HTRA1: variants seen among roughly 807,000 people sequenced by gnomAD.
HTRA1 encodes the protein HtrA serine peptidase 1.
In HTRA1, 26 loss-of-function variants were observed where a neutral mutation model predicts 49.7. The ratio of observed to expected loss-of-function variants is 0.52; its 90% confidence interval spans 0.38 to 0.73. The LOEUF (loss-of-function observed/expected upper bound fraction) is 0.73, where lower values mean the gene tolerates loss of function less well. Among genes scored for constraint, HTRA1 ranks in the 30% least tolerant of loss-of-function variants. The probability of loss-of-function intolerance (pLI) is 0.00; values close to 1 mark genes in which losing one functional copy is unlikely to be tolerated. For missense variants in HTRA1, 561 were observed against 667.2 expected (o/e 0.84, Z 1.75); for synonymous variants, 291 against 286.9 (o/e 1.01, Z -0.14).
At chr10:122,463,025 C>T (rs139968971) in intron 1 of HTRA1, among the ~76,000 whole-genome samples, 445 of 152,354 alleles carry the variant, frequency 2.9e-3, no homozygotes, top group Non-Finnish European at 4.5e-3. Context: ...AAAATAATAT[C>T]GAGTTCAGCA....
intron 3 of HTRA1, among the ~76,000 whole-genome samples, chr10:122,495,344 C>T (rs1039082940): frequency 7.2e-5 from 11 of 152,104 alleles, no homozygotes; most frequent in African/African-American, 2.7e-4. Context: ...ATGCCACAGA[C>T]GGTGTTGACG....
Position 122,490,004 on chromosome 10 carries a change from G to T in HTRA1, c.777+378G>T, listed in dbSNP as rs1330650113. 6.6e-6 allele frequency among the ~76,000 whole-genome samples: 1 copy of T among 152,122 alleles called. No individual in the cohort carries two copies. Among genetic ancestry groups the T allele is most frequent in the Non-Finnish European group, 1.5e-5 (1 of 68,022 alleles). On this transcript the variant is annotated intron_variant, in intron 3 of 8. Transcript: ENST00000368984. This position sits in a 1 kb window ranked among gnomAD's most constrained non-coding sequence, Gnocchi z 4.2. The stretch of plus-strand genomic sequence containing the variant: ...CACAGATACATCATGCGTTCACAAT[G>T]AACATAGAATTTACTGGGTTTTAGA...
At chr10:122,470,671 A>G (rs1224259809) in intron 1 of HTRA1, among the ~76,000 whole-genome samples, 9 of 152,026 alleles carry the variant, frequency 5.9e-5, no homozygotes, top group African/African-American at 1.9e-4. Flanking sequence ...GTCCAATGAT[A>G]CAAGGAATAT....
chr10:122,471,894 A>C (rs1031021078), intron 1 of HTRA1, among the ~76,000 whole-genome samples: 1 of 152,122 alleles, frequency 6.6e-6, no homozygotes. Context: ...CTCTAATCAA[A>C]ATGAGGTTGC....
intron 7 of HTRA1, among the ~76,000 whole-genome samples, chr10:122,511,657 C>T (rs1029607433): frequency 4.0e-5 from 6 of 151,434 alleles, no homozygotes; most frequent in East Asian, 1.9e-4. Context: ...TGCTTGAACC[C>T]GGGATATGTA....
rs1021146699 is a variant in HTRA1, at chr10:122,512,651, A to G, written c.1274+586A>G. On this transcript the variant is annotated intron_variant, in intron 8 of 8. Coordinates refer to ENST00000368984, the MANE Select transcript of HTRA1 (RefSeq NM_002775.5). ...TGGATCTGGCCCACTGCCTGCTTTT[A>G]TATGGAGCTGTGGGCTAAGAATAGT... 1.2e-3 allele frequency among the ~76,000 whole-genome samples: 180 copies of G among 152,326 alleles called. 1 individual carries two copies. The highest frequency in any genetic ancestry group is 4.0e-3 in the African/African-American group (166 of 41,576).
At chr10:122,465,029 T>G (rs1358591210) in intron 1 of HTRA1, among the ~76,000 whole-genome samples, 1 of 152,138 alleles carries the variant, frequency 6.6e-6, no homozygotes. Context: ...TGTCATCAGA[T>G]CAGGGGTCCC....
rs1591035172 is a variant in HTRA1 at position 122,494,897 on chromosome 10, C to T, written c.777+5271C>T. ...GGGAGCTGCTGAGCAGGCCACTCTT[C>T]TCCAGGCCACCAGAACTTGGCCCTG... On this transcript the variant is annotated intron_variant, in intron 3 of 8. Coordinates refer to ENST00000368984, the MANE Select transcript of HTRA1 (RefSeq NM_002775.5). The surrounding 1 kb of genome is among the most constrained non-coding windows in gnomAD (Gnocchi z 4.0). Among the ~76,000 whole-genome samples, 1 of 152,142 alleles carries T rather than the reference C, an allele frequency of 6.6e-6. No individual in the cohort carries two copies. The highest frequency in any genetic ancestry group is 1.5e-5 in the Non-Finnish European group (1 of 68,030).
chr10:122,504,358 G>A (rs1003551287), intron 3 of HTRA1, among the ~76,000 whole-genome samples: 1 of 152,184 alleles, frequency 6.6e-6, no homozygotes, highest in African/African-American at 2.4e-5. Flanking sequence ...TCTAGGAGGC[G>A]CCAAGGGGTG....
At position 122,506,793 on chromosome 10, in the gene HTRA1, A is replaced by G. The variant is rs1378497929; in HGVS notation, c.880A>G (p.Thr294Ala). 1 of 1,613,842 alleles carries G rather than the reference A, an allele frequency of 6.2e-7. No homozygotes were observed. Among genetic ancestry groups the G allele is most frequent in the Non-Finnish European group, 8.5e-7 (1 of 1,180,002 alleles). The change falls in exon 4 of 9, where the codon ACC (threonine) becomes GCC (alanine). Residue 294 changes from threonine to alanine, a missense_variant. Coordinates refer to ENST00000368984, the MANE Select transcript of HTRA1 (RefSeq NM_002775.5). This position sits in a 1 kb window ranked among gnomAD's most constrained non-coding sequence, Gnocchi z 5.2. ...GTTTTCCCTTCAAAACACAGTCACC[A>G]CCGGGATCGTGAGCACCACCCAGCG... ...SPFSLQNTVT[T>A]GIVSTTQRGG...
At position 122,487,767 on chromosome 10, in the gene HTRA1, G is replaced by A. The variant is rs116369519; in HGVS notation, c.473-1135G>A. Among the ~76,000 whole-genome samples the A allele has an allele frequency of 1.4e-3, 214 of 152,276 alleles. 1 individual carries two copies. The highest frequency in any genetic ancestry group is 4.9e-3 in the African/African-American group (203 of 41,546). On this transcript the variant is annotated intron_variant, in intron 1 of 8. Coordinates refer to ENST00000368984, the MANE Select transcript of HTRA1 (RefSeq NM_002775.5). The surrounding 1 kb of genome is among the most constrained non-coding windows in gnomAD (Gnocchi z 4.8). ...CCTGTTGTTTCTAGGATGCACGCCC[G>A]TACAGTAGGTTACTGTACTGAATAC...
intron 7 of HTRA1, 109 bp downstream of exon 7, chr10:122,510,262 T>C: frequency 1.2e-6 from 1 of 856,222 alleles, no homozygotes; most frequent in Non-Finnish European, 2.0e-6. Flanking sequence ...TTAAGACGTC[T>C]CAGTTTCTGC....
Position 122,490,100 on chromosome 10 carries a change from G to T in HTRA1, c.777+474G>T, listed in dbSNP as rs1308005009. 1.3e-5 allele frequency among the ~76,000 whole-genome samples: 2 copies of T among 152,160 alleles called. No individual in the cohort carries two copies. The highest frequency in any genetic ancestry group is 4.8e-5 in the African/African-American group (2 of 41,432). ...GCTCTCCCAAATTGGGGTTTTGCGG[G>T]GTTATGAGATGTGTTTCAAAAGAAT... On this transcript the variant is annotated intron_variant, in intron 3 of 8. Coordinates refer to ENST00000368984, the MANE Select transcript of HTRA1 (RefSeq NM_002775.5). The surrounding 1 kb of genome is among the most constrained non-coding windows in gnomAD (Gnocchi z 4.2).
At chr10:122,485,192 C>A (rs1047130245) in intron 1 of HTRA1, among the ~76,000 whole-genome samples, 1 of 152,226 alleles carries the variant, frequency 6.6e-6, no homozygotes, top group Non-Finnish European at 1.5e-5. Context: ...TTTTGTCCAT[C>A]TTTGAACTGT....
chr10:122,502,848 C>T (rs1300403765), intron 3 of HTRA1, among the ~76,000 whole-genome samples: 4 of 152,212 alleles, frequency 2.6e-5, no homozygotes, highest in Admixed American at 6.5e-5. Flanking sequence ...GTTTTTGCCC[C>T]GTCACTGCAG....
chr10:122,474,805 C>T (rs577006440), intron 1 of HTRA1, among the ~76,000 whole-genome samples: 2 of 152,136 alleles, frequency 1.3e-5, no homozygotes, highest in East Asian at 3.9e-4. Flanking sequence ...TTCCCTAATG[C>T]ATAAAATAGG....
chr10:122,467,191 G>A (rs1174791591), intron 1 of HTRA1, among the ~76,000 whole-genome samples: 1 of 152,208 alleles, frequency 6.6e-6, no homozygotes, highest in Non-Finnish European at 1.5e-5. Flanking sequence ...TATATTTCAA[G>A]TGAATAAATA....
intron 3 of HTRA1, among the ~76,000 whole-genome samples, chr10:122,500,040 C>A (rs770050850): frequency 6.6e-6 from 1 of 152,146 alleles, no homozygotes; most frequent in African/African-American, 2.4e-5. Context: ...CCAACTTTTT[C>A]TTTGGTTTTG....
intron 1 of HTRA1, among the ~76,000 whole-genome samples, chr10:122,482,656 A>G (rs2097491501): frequency 6.6e-6 from 1 of 152,124 alleles, no homozygotes; most frequent in Non-Finnish European, 1.5e-5. Flanking sequence ...GCGGTGGCTC[A>G]CACCTGTAGT....
Sources: gnomAD v4.1 joint callset for allele counts (sites outside exome capture counted in the v4.1 genomes callset) on GRCh38, gnomAD v4.1.1 for gene constraint, Gnocchi (gnomAD v3.1) non-coding constraint, MANE v1.5 for transcripts, NCBI Gene and HGNC (gene_info 2026-07-23, HGNC 2026-07-21) for gene names.